The following PTPN4 variants were observed in gnomAD, a reference collection of about 807,000 sequenced individuals.
PTPN4 encodes the protein tyrosine-protein phosphatase non-receptor type 4.
A neutral mutation model predicts 135.5 loss-of-function variants in PTPN4; 49 were observed. The ratio of observed to expected loss-of-function variants is 0.36; its 90% CI spans 0.29 to 0.46. The LOEUF is 0.46. PTPN4 is among the 20% of genes least tolerant of loss of function. PTPN4 has a pLI of 1.00. For synonymous variants in PTPN4, 333 were observed against 369.9 expected (o/e 0.90, Z 1.14); for missense variants, 860 against 1,101.0 (o/e 0.78, Z 3.10).
chr2:119,869,367 T>C (rs1677877276), intron 3 of PTPN4, among the ~76,000 whole-genome samples: 1 of 152,240 alleles, frequency 6.6e-6, no homozygotes. Flanking sequence ...TGGGTGCAGT[T>C]AACCTGGCTG....
intron 5 of PTPN4, among the ~76,000 whole-genome samples, chr2:119,881,512 C>A (rs1678077592): frequency 6.6e-6 from 1 of 152,160 alleles, no homozygotes; most frequent in Non-Finnish European, 1.5e-5. Context: ...CTCCCTCTGT[C>A]ATGTAACTAT....
At chr2:119,872,057 C>G (rs1160501797) in intron 3 of PTPN4, among the ~76,000 whole-genome samples, 1 of 152,114 alleles carries the variant, frequency 6.6e-6, no homozygotes, top group Non-Finnish European at 1.5e-5. Context: ...ATTTATTGAA[C>G]CCCACTAGTT....
chr2:119,798,323 T>A (rs1336980130), intron 1 of PTPN4, among the ~76,000 whole-genome samples: 1 of 152,034 alleles, frequency 6.6e-6, no homozygotes, highest in Non-Finnish European at 1.5e-5. Context: ...CCCGCCACCA[T>A]GCCTGGCTAA....
At chr2:119,951,951 C>T (rs1679217177) in intron 18 of PTPN4, 22 bp from the exon 19 acceptor site, 1 of 1,556,880 alleles carries the variant, frequency 6.4e-7, no homozygotes. Flanking sequence ...CAATCTGAAA[C>T]CTTATCTATA....
At chr2:119,950,494 CTAAT>C (rs1370332717) in intron 18 of PTPN4, among the ~76,000 whole-genome samples, 2 of 152,324 alleles carry the variant, frequency 1.3e-5, no homozygotes, top group African/African-American at 2.4e-5. Context: ...CTTCAGATGT[CTAAT>C]TAATCATTCA....
chr2:119,877,090 T>G (rs1489678629), intron 3 of PTPN4, among the ~76,000 whole-genome samples: 1 of 152,206 alleles, frequency 6.6e-6, no homozygotes, highest in Non-Finnish European at 1.5e-5. Flanking sequence ...TTGTACTGTT[T>G]GATGGAAAAG....
At chr2:119,903,181 C>T (rs149481042) in intron 10 of PTPN4, among the ~76,000 whole-genome samples, 2 of 152,122 alleles carry the variant, frequency 1.3e-5, no homozygotes, top group Admixed American at 1.3e-4. Flanking sequence ...CATGTGCTCA[C>T]CACAGCCTCA....
At chr2:119,824,978 G>T (rs1161255510) in intron 2 of PTPN4, among the ~76,000 whole-genome samples, 1 of 152,176 alleles carries the variant, frequency 6.6e-6, no homozygotes, top group African/African-American at 2.4e-5. Flanking sequence ...ATGAGCTACT[G>T]TGCCTGGCCA....
chr2:119,908,567 T>A lies in PTPN4; in HGVS notation c.765-6612T>A, dbSNP rs114789953. Among the ~76,000 whole-genome samples the A allele has an allele frequency of 3.2e-3, 494 of 152,292 alleles. 2 individuals are homozygous for A. Among genetic ancestry groups the A allele is most frequent in the African/African-American group, 0.011 (467 of 41,574 alleles). On this transcript the variant is annotated intron_variant, in intron 10 of 26. Transcript: ENST00000263708. Reference sequence around the variant, plus strand: ...TGTTTGTTCTTTCTGCCCCACTGACTGGCCGTTTCTGTCTCTCTTCCTCTC... The same window carrying A: ...TGTTTGTTCTTTCTGCCCCACTGACAGGCCGTTTCTGTCTCTCTTCCTCTC...
chr2:119,818,502 C>T (rs892522721), intron 2 of PTPN4, among the ~76,000 whole-genome samples: 1 of 152,188 alleles, frequency 6.6e-6, no homozygotes, highest in African/African-American at 2.4e-5. Flanking sequence ...TCTTGAACTC[C>T]TGGCCTCAAG....
intron 18 of PTPN4, among the ~76,000 whole-genome samples, chr2:119,950,044 G>C (rs1679189974): frequency 6.6e-6 from 1 of 152,126 alleles, no homozygotes. Context: ...TTAACTATAA[G>C]AGAGTTCCCT....
At chr2:119,904,318 C>T (rs1678453100) in intron 10 of PTPN4, among the ~76,000 whole-genome samples, 1 of 151,694 alleles carries the variant, frequency 6.6e-6, no homozygotes, top group Non-Finnish European at 1.5e-5. Context: ...TAAGCAGTAA[C>T]AATAATTTCT....
intron 22 of PTPN4, among the ~76,000 whole-genome samples, chr2:119,957,901 T>G (rs867566814): frequency 2.6e-5 from 4 of 152,204 alleles, no homozygotes; most frequent in Admixed American, 1.3e-4. Flanking sequence ...AGTGGAATTA[T>G]GAAATTATTT....
chr2:119,787,477 A>G (rs1691066612), intron 1 of PTPN4, among the ~76,000 whole-genome samples: 1 of 152,194 alleles, frequency 6.6e-6, no homozygotes, highest in African/African-American at 2.4e-5. Flanking sequence ...TAGAAGTAGT[A>G]TTGTCTAACA....
At chr2:119,810,126 G>T in intron 2 of PTPN4, 135 bp downstream of exon 2, 1 of 973,890 alleles carries the variant, frequency 1.0e-6, no homozygotes, top group Non-Finnish European at 1.4e-6. Context: ...TTTGGTGCAG[G>T]ATTGTATTAG....
intron 23 of PTPN4, among the ~76,000 whole-genome samples, chr2:119,961,199 T>A (rs995184166): frequency 1.0e-4 from 14 of 136,350 alleles, no homozygotes; most frequent in Non-Finnish European, 2.0e-4. Flanking sequence ...TTGTTAAGGG[T>A]CTTGTGTCTA....
intron 2 of PTPN4, among the ~76,000 whole-genome samples, chr2:119,812,284 A>G (rs1170033242): frequency 6.6e-6 from 1 of 152,132 alleles, no homozygotes; most frequent in Non-Finnish European, 1.5e-5. Context: ...TAGTACCATT[A>G]AGTCTCAGAA....
chr2:119,909,002 G>A (rs1371028926), intron 10 of PTPN4, among the ~76,000 whole-genome samples: 1 of 152,162 alleles, frequency 6.6e-6, no homozygotes, highest in Non-Finnish European at 1.5e-5. Flanking sequence ...ACTGAGAAGA[G>A]AGGTGAGAAA....
At chr2:119,861,902 G>A (rs1217512846) in intron 2 of PTPN4, among the ~76,000 whole-genome samples, 1 of 152,102 alleles carries the variant, frequency 6.6e-6, no homozygotes, top group African/African-American at 2.4e-5. Context: ...AAAGTTCTCT[G>A]AGTACTTTGG....
Sources: allele counts gnomAD v4.1 joint callset (sites outside exome capture counted in the v4.1 genomes callset), GRCh38; gene constraint gnomAD v4.1.1; transcripts MANE v1.5; gene names NCBI Gene and HGNC (gene_info 2026-07-23, HGNC 2026-07-21).